KANK1: variants seen among roughly 807,000 people sequenced by gnomAD.
The protein encoded by KANK1 is KN motif and ankyrin repeat domain-containing protein 1.
In KANK1, 109 loss-of-function variants were observed where a neutral mutation model predicts 106.2. The observed-to-expected ratio is 1.03, with a 90% CI of 0.88 to 1.20. KANK1 has a LOEUF of 1.20. KANK1 is among the 50% of genes most tolerant of loss of function. KANK1 has a pLI of 0.00. For missense variants in KANK1, 2,399 were observed against 1,710.7 expected (o/e 1.40, Z -7.10); for synonymous variants, 873 against 652.2 (o/e 1.34, Z -5.16).
At chr9:638,894 A>C (rs1028168988) in intron 1 of KANK1, among the ~76,000 whole-genome samples, 6 of 152,206 alleles carry the variant, frequency 3.9e-5, no homozygotes, top group Non-Finnish European at 7.3e-5. Flanking sequence ...CAATGTCGAC[A>C]ACTTAGGAGT....
chr9:672,623 T>C (rs1815440838), intron 1 of KANK1, among the ~76,000 whole-genome samples: 1 of 152,212 alleles, frequency 6.6e-6, no homozygotes, highest in Admixed American at 6.5e-5. Context: ...CTAGAGTATA[T>C]ATCAAATCTC....
At chr9:631,272 C>A (rs1324879104) in intron 1 of KANK1, among the ~76,000 whole-genome samples, 2 of 152,134 alleles carry the variant, frequency 1.3e-5, no homozygotes, top group Admixed American at 1.3e-4. Context: ...AGTTATGCAG[C>A]CCACACGGAA....
intron 3 of KANK1, among the ~76,000 whole-genome samples, chr9:480,143 A>C (rs764796388): frequency 6.6e-6 from 1 of 152,232 alleles, no homozygotes; most frequent in Non-Finnish European, 1.5e-5. Flanking sequence ...GGCACAAGCT[A>C]ACTGCTGTAC....
chr9:682,521 T>C lies in KANK1; in HGVS notation c.37+5512T>C, dbSNP rs114160132. On this transcript the variant is annotated intron_variant, in intron 2 of 11. Transcript: ENST00000382297. Reference sequence around the variant, plus strand: ...TCATGGAAAATAGTTTTCAAATTATTATTTTCAATGACTGTATAATATTCC... The same window carrying C: ...TCATGGAAAATAGTTTTCAAATTATCATTTTCAATGACTGTATAATATTCC... 6.8e-3 allele frequency among the ~76,000 whole-genome samples: 1,031 copies of C among 152,366 alleles called. 19 individuals are homozygous for C. Among genetic ancestry groups the C allele is most frequent in the African/African-American group, 0.023 (973 of 41,586 alleles).
intron 1 of KANK1, among the ~76,000 whole-genome samples, chr9:573,585 A>G (rs1819769286): frequency 6.6e-6 from 1 of 151,808 alleles, no homozygotes; most frequent in African/African-American, 2.4e-5. Context: ...TTTTTTTTTT[A>G]AAGCCAGAAG....
At chr9:670,054 C>G (rs1005052314) in intron 1 of KANK1, among the ~76,000 whole-genome samples, 2 of 152,108 alleles carry the variant, frequency 1.3e-5, no homozygotes, top group African/African-American at 4.8e-5. Context: ...ATATATTTTT[C>G]AATTTCAAGA....
intron 1 of KANK1, among the ~76,000 whole-genome samples, chr9:567,019 A>T (rs868513863): frequency 6.6e-6 from 1 of 152,120 alleles, no homozygotes; most frequent in East Asian, 1.9e-4. Context: ...TGATTTTTGT[A>T]TATGATGTAA....
chr9:507,179 T>G (rs1171115041), intron 1 of KANK1, among the ~76,000 whole-genome samples: 1 of 149,726 alleles, frequency 6.7e-6, no homozygotes, highest in Non-Finnish European at 1.5e-5. Context: ...ATAGCGAGAC[T>G]CCGTCTCTAC....
intron 3 of KANK1, among the ~76,000 whole-genome samples, chr9:491,000 C>T (rs1274934838): frequency 7.6e-6 from 1 of 131,314 alleles, no homozygotes; most frequent in East Asian, 2.5e-4. Context: ...CATTCTGTTG[C>T]CTAGGCTGGC....
At chr9:558,639 G>A (rs1214094107) in intron 1 of KANK1, among the ~76,000 whole-genome samples, 1 of 151,620 alleles carries the variant, frequency 6.6e-6, no homozygotes, top group Non-Finnish European at 1.5e-5. Context: ...ACTAAGGCAT[G>A]ATGTTTGGGG....
chr9:564,696 C>A (rs1294711514), intron 1 of KANK1, among the ~76,000 whole-genome samples: 2 of 152,212 alleles, frequency 1.3e-5, no homozygotes. Context: ...TGGCTCTTTG[C>A]AGCCGCTCTT....
chr9:712,648 A>T lies in KANK1; in HGVS notation c.1882A>T (p.Ile628Phe), dbSNP rs114109003. 2 of 1,614,172 alleles carry T rather than the reference A, an allele frequency of 1.2e-6. No individual in the cohort carries two copies. The highest frequency in any genetic ancestry group is 1.7e-6 in the Non-Finnish European group (2 of 1,180,024). ...CTTGAATCTCAAAGAAGTGCGGTCTATCGGTTGTGGAGATTGTTCTGTTGA... is the reference window on the plus strand; with the variant it reads ...CTTGAATCTCAAAGAAGTGCGGTCTTTCGGTTGTGGAGATTGTTCTGTTGA... ...TNLNLKEVRS[I>F]GCGDCSVDVT... Residue 628 changes from isoleucine to phenylalanine, a missense_variant, in exon 3 of 12, where the codon ATC becomes TTC. Physicochemically the swap from Ile to Phe is conservative, Grantham distance 21. Transcript: ENST00000382297.
chr9:496,456 C>G (rs1430363359), intron 3 of KANK1, among the ~76,000 whole-genome samples: 4 of 152,252 alleles, frequency 2.6e-5, no homozygotes, highest in Middle Eastern at 3.4e-3. Context: ...ACTCGGGAGG[C>G]TGAGGTGGAA....
Position 479,972 on chromosome 9 carries a change from A to T in KANK1, c.-362+6699A>T, listed in dbSNP as rs528695646. Among the ~76,000 whole-genome samples, 6 of 152,328 alleles carry T rather than the reference A, an allele frequency of 3.9e-5. No homozygotes were observed. In the South Asian group the frequency reaches 1.2e-3, roughly 32 times the overall value. ...GGAAATGATTTTTCCTGAAAACAGAAAAATATGGGTTTTTTCCCTTCTCAG... is the reference window on the plus strand; with the variant it reads ...GGAAATGATTTTTCCTGAAAACAGATAAATATGGGTTTTTTCCCTTCTCAG... On this transcript the variant is annotated intron_variant, in intron 3 of 15. Coordinates refer to the KANK1 transcript ENST00000382303.
chr9:547,218 G>A (rs1481092127), intron 1 of KANK1: 1 of 152,196 alleles, frequency 6.6e-6, no homozygotes, highest in East Asian at 1.9e-4. Context: ...TGCTGGCTAA[G>A]TTTTGTGAGC....
chr9:566,162 C>A (rs951187221), intron 1 of KANK1, among the ~76,000 whole-genome samples: 1 of 152,144 alleles, frequency 6.6e-6, no homozygotes, highest in African/African-American at 2.4e-5. Flanking sequence ...TGATGGCTTC[C>A]AGCTATCCAT....
chr9:707,077 C>A (rs7871551), intron 2 of KANK1: 30 of 985,092 alleles, frequency 3.0e-5, no homozygotes, highest in Non-Finnish European at 3.6e-5. Context: ...GAGACCTCGC[C>A]GGTGAAAGCT....
At chr9:673,006 T>G (rs1483955674) in intron 1 of KANK1, among the ~76,000 whole-genome samples, 1 of 152,170 alleles carries the variant, frequency 6.6e-6, no homozygotes, top group African/African-American at 2.4e-5. Context: ...AACACAGGAA[T>G]GGACTGTGGC....
intron 1 of KANK1, among the ~76,000 whole-genome samples, chr9:603,875 C>T (rs886218686): frequency 1.3e-5 from 2 of 148,680 alleles, no homozygotes; most frequent in African/African-American, 5.0e-5. Flanking sequence ...AGGAGAATCA[C>T]TTGAACCCGG....
Sources: gnomAD v4.1 joint callset for allele counts (sites outside exome capture counted in the v4.1 genomes callset) on GRCh38, gnomAD v4.1.1 for gene constraint, MANE v1.5 for transcripts, NCBI Gene and HGNC (gene_info 2026-07-23, HGNC 2026-07-21) for gene names.